Variants in KCNB2 observed in about 807,000 individuals in gnomAD.
The protein encoded by KCNB2 is delayed rectifier potassium channel protein.
Under a neutral mutation model 61.5 loss-of-function variants are expected in KCNB2, and 15 were observed. The observed-to-expected ratio is 0.24, with a 90% CI of 0.16 to 0.38. The LOEUF (loss-of-function observed/expected upper bound fraction) is 0.38. Ranked by LOEUF, KCNB2 falls within the 10% of genes least tolerant of loss-of-function variation. KCNB2 has a pLI of 1.00. For synonymous variants in KCNB2, 457 were observed against 446.0 expected (o/e 1.02, Z -0.31); for missense variants, 828 against 1,125.2 (o/e 0.74, Z 3.78).
chr8:72,897,043 A>G (rs1318202943), intron 2 of KCNB2, among the ~76,000 whole-genome samples: 6 of 152,120 alleles, frequency 3.9e-5, no homozygotes, highest in Non-Finnish European at 8.8e-5. Flanking sequence ...ACATAAATGC[A>G]TTTTCTAGAT....
intron 2 of KCNB2, among the ~76,000 whole-genome samples, chr8:72,926,362 T>A (rs1357957170): frequency 6.6e-6 from 1 of 152,246 alleles, no homozygotes; most frequent in East Asian, 1.9e-4. Flanking sequence ...AAACTTTATT[T>A]ATCTTGTTCT....
At chr8:72,935,124 G>A (rs544406752) in intron 2 of KCNB2, among the ~76,000 whole-genome samples, 11 of 152,094 alleles carry the variant, frequency 7.2e-5, no homozygotes, top group Non-Finnish European at 1.5e-4. Flanking sequence ...CACCCAATAA[G>A]TGGTAAAGCC....
At position 72,725,697 on chromosome 8, in the gene KCNB2, G is replaced by A. The variant is rs115411678; in HGVS notation, c.579+157384G>A. Among the ~76,000 whole-genome samples the A allele has an allele frequency of 6.2e-3, 927 of 149,584 alleles. 9 individuals are homozygous for A. The highest frequency in any genetic ancestry group is 0.021 in the African/African-American group (870 of 40,678). On this transcript the variant is annotated intron_variant, in intron 2 of 2. Coordinates refer to ENST00000523207, the MANE Select transcript of KCNB2 (RefSeq NM_004770.3). ...CCTCAGCTCTCATCGTTTGCTTGCC[G>A]GACCTCCTTTCCAGCCCCGGTCCTT...
chr8:72,809,497 G>T (rs1042111017), intron 2 of KCNB2, among the ~76,000 whole-genome samples: 2 of 152,158 alleles, frequency 1.3e-5, no homozygotes, highest in African/African-American at 4.8e-5. Flanking sequence ...TTACCCTGGA[G>T]AATTAAAGAG....
chr8:72,688,258 T>A (rs1806886445), intron 2 of KCNB2, among the ~76,000 whole-genome samples: 1 of 152,200 alleles, frequency 6.6e-6, no homozygotes, highest in African/African-American at 2.4e-5. Flanking sequence ...GAGAGCCCTT[T>A]TGAGCTCCTT....
At chr8:72,810,898 C>A (rs1809296935) in intron 2 of KCNB2, among the ~76,000 whole-genome samples, 1 of 152,136 alleles carries the variant, frequency 6.6e-6, no homozygotes, top group Non-Finnish European at 1.5e-5. Flanking sequence ...GTCAGAAGGG[C>A]AGGGCATCTG....
At chr8:72,687,661 T>C (rs559309049) in intron 2 of KCNB2, among the ~76,000 whole-genome samples, 5 of 152,358 alleles carry the variant, frequency 3.3e-5, no homozygotes, top group Admixed American at 2.0e-4. Context: ...AATTAGTTGG[T>C]TCTTTCAAAC....
chr8:72,784,465 C>T (rs1418007706), intron 2 of KCNB2, among the ~76,000 whole-genome samples: 6 of 152,178 alleles, frequency 3.9e-5, no homozygotes, highest in Admixed American at 3.3e-4. Flanking sequence ...CTTCCTGAGA[C>T]TGAGTAATTT....
intron 2 of KCNB2, among the ~76,000 whole-genome samples, chr8:72,587,050 T>G (rs1420143610): frequency 6.6e-6 from 1 of 152,236 alleles, no homozygotes; most frequent in Admixed American, 6.5e-5. Context: ...GACTTTATAC[T>G]ACAGTGTATT....
chr8:72,787,499 CT>C (rs1397327256), intron 2 of KCNB2, among the ~76,000 whole-genome samples: 2 of 146,300 alleles, frequency 1.4e-5, no homozygotes, highest in Non-Finnish European at 3.0e-5. Context: ...TTTTTTTTTT[CT>C]TTTTAATTAG....
In KCNB2 at chr8:72,697,394, C is replaced by A. The variant is rs1016895530; in HGVS notation, c.579+129081C>A. Among the ~76,000 whole-genome samples the A allele has an allele frequency of 2.0e-5, 3 of 152,144 alleles. No individual in the cohort carries two copies. In the East Asian group the frequency reaches 5.8e-4, roughly 29 times the overall value. On this transcript the variant is annotated intron_variant, in intron 2 of 2. Transcript: ENST00000523207. ...ATCTATGTCTTTTCATTACCTAATT[C>A]TCCAACTAAATGCTGCTCACATGCT... is the stretch of plus-strand genomic sequence containing the variant.
intron 1 of KCNB2, among the ~76,000 whole-genome samples, chr8:72,563,526 T>C (rs1011838869): frequency 6.6e-6 from 1 of 152,036 alleles, no homozygotes; most frequent in African/African-American, 2.4e-5. Flanking sequence ...GAAAAAATAG[T>C]TTGGTTTTGT....
chr8:72,937,971 T>C lies in KCNB2; in HGVS notation c.2616T>C (p.Ser872=). The change falls in exon 3 of 3, where the codon AGT becomes AGC. Residue 872 remains serine (S), a synonymous_variant. Transcript: ENST00000523207. ...GGCAAGACATTTACCATGCTGTGAG[T>C]GAAGTCAAAAAGGACAGTAGTCAAG... ...NCRQDIYHAV[S]EVKKDSSQEG... The C allele has an allele frequency of 6.2e-7, 1 of 1,613,924 alleles. No homozygotes were observed. The highest frequency in any genetic ancestry group is 8.5e-7 in the Non-Finnish European group (1 of 1,179,974).
intron 1 of KCNB2, among the ~76,000 whole-genome samples, chr8:72,538,178 T>C (rs1806142428): frequency 2.0e-5 from 3 of 152,134 alleles, no homozygotes; most frequent in African/African-American, 4.8e-5. Context: ...CGTCCATTTG[T>C]TGGTAAATGC....
intron 2 of KCNB2, among the ~76,000 whole-genome samples, chr8:72,846,921 G>C (rs1287182829): frequency 6.6e-6 from 1 of 152,066 alleles, no homozygotes; most frequent in Non-Finnish European, 1.5e-5. Flanking sequence ...TATACCCAAA[G>C]GATTATAAAT....
intron 2 of KCNB2, among the ~76,000 whole-genome samples, chr8:72,694,511 A>G (rs1806987302): frequency 6.6e-6 from 1 of 152,204 alleles, no homozygotes; most frequent in Admixed American, 6.5e-5. Flanking sequence ...AATTTTTTTA[A>G]ATGTGTATGG....
chr8:72,542,722 A>G (rs1806207950), intron 1 of KCNB2, among the ~76,000 whole-genome samples: 1 of 152,144 alleles, frequency 6.6e-6, no homozygotes, highest in South Asian at 2.1e-4. Context: ...CATCTGGCAG[A>G]ATGAAGGAAG....
chr8:72,784,196 C>A (rs1030609555), intron 2 of KCNB2, among the ~76,000 whole-genome samples: 6 of 152,032 alleles, frequency 3.9e-5, no homozygotes, highest in Admixed American at 1.3e-4. Flanking sequence ...ATCATATCCC[C>A]AGAACTTCTT....
intron 2 of KCNB2, among the ~76,000 whole-genome samples, chr8:72,895,522 AC>A (rs1805976524): frequency 6.6e-6 from 1 of 152,174 alleles, no homozygotes; most frequent in South Asian, 2.1e-4. Context: ...TCCATGTCAG[AC>A]TTTTCAGCTA....
Sources: gnomAD v4.1 joint callset for allele counts (sites outside exome capture counted in the v4.1 genomes callset) on GRCh38, gnomAD v4.1.1 for gene constraint, MANE v1.5 for transcripts, NCBI Gene and HGNC (gene_info 2026-07-23, HGNC 2026-07-21) for gene names.